TP53BP1: variants seen among roughly 807,000 people sequenced by gnomAD.
TP53BP1 encodes the protein TP53-binding protein 1.
A neutral mutation model predicts 200.8 loss-of-function variants in TP53BP1; 61 were observed. The ratio of observed to expected loss-of-function variants is 0.30; its 90% CI spans 0.25 to 0.38. The LOEUF (loss-of-function observed/expected upper bound fraction) is 0.38. TP53BP1 is among the 10% of genes least tolerant of loss of function. The pLI is 1.00. For missense variants in TP53BP1, 2,144 were observed against 2,371.9 expected, an observed-to-expected ratio of 0.90 and a Z score of 2.00; for synonymous variants, 822 against 844.3, an observed-to-expected ratio of 0.97 and a Z score of 0.46.
chr15:43,454,965 G>A (rs990435658), intron 12 of TP53BP1, among the ~76,000 whole-genome samples: 1 of 151,972 alleles, frequency 6.6e-6, no homozygotes, highest in African/African-American at 2.4e-5. Flanking sequence ...CCTGAGCTCA[G>A]GCAATCCGCC....
chr15:43,499,920 T>A (rs1236879927), intron 1 of TP53BP1, among the ~76,000 whole-genome samples: 1 of 152,144 alleles, frequency 6.6e-6, no homozygotes, highest in Non-Finnish European at 1.5e-5. Flanking sequence ...ACAATAAAAG[T>A]TCTGTAGGAA....
At chr15:43,482,412 G>GT (rs1167793915) in intron 4 of TP53BP1, among the ~76,000 whole-genome samples, 6 of 152,126 alleles carry the variant, frequency 3.9e-5, no homozygotes, top group East Asian at 1.9e-4. Flanking sequence ...GAAGTGGGCG[G>GT]ATCATTTAAG....
rs189638286 is a variant in TP53BP1, at chr15:43,423,995, G to C, written c.3829-1869C>G. ...ACCTCGCTACCAAGAATACAATGATGACTCAGCTTATACAAATTTCTACTA... is the reference window on the plus strand; with the variant it reads ...ACCTCGCTACCAAGAATACAATGATCACTCAGCTTATACAAATTTCTACTA... On this transcript the variant is annotated intron_variant, in intron 18 of 27. Transcript: ENST00000382044. 4.6e-3 allele frequency among the ~76,000 whole-genome samples: 693 copies of C among 152,152 alleles called. 5 individuals are homozygous for C. Among genetic ancestry groups the C allele is most frequent in the African/African-American group, 0.015 (640 of 41,488 alleles).
At chr15:43,480,445 C>G (rs939333455) in intron 5 of TP53BP1, among the ~76,000 whole-genome samples, 1 of 150,130 alleles carries the variant, frequency 6.7e-6, no homozygotes, top group African/African-American at 2.5e-5. Flanking sequence ...AAGACTCCGT[C>G]GCAAAAAAAT....
chr15:43,464,490 A>G (rs1301658218), intron 11 of TP53BP1, among the ~76,000 whole-genome samples: 1 of 152,242 alleles, frequency 6.6e-6, no homozygotes, highest in Non-Finnish European at 1.5e-5. Context: ...AAACTTGTCC[A>G]TAAATGTACA....
chr15:43,404,086 TTGAACTAACCCCC>T lies in TP53BP1; in HGVS notation c.*3284_*3296del. Reference sequence around the variant, plus strand: ...CACATCCTCCCCCCTCCTTACTTCCTTGAACTAACCCCCATCTCACTGAGATAATTATCTGCTT... The same window carrying T: ...CACATCCTCCCCCCTCCTTACTTCCTATCTCACTGAGATAATTATCTGCTT... On this transcript the variant is annotated 3_prime_UTR_variant, in exon 28 of 28. Coordinates refer to ENST00000382044, the MANE Select transcript of TP53BP1 (RefSeq NM_001141980.3). The T allele has an allele frequency of 1.9e-6, 1 of 522,566 alleles. No individual in the cohort carries two copies. The highest frequency in any genetic ancestry group is 4.9e-4 in the Middle Eastern group (1 of 2,024). 32.4% of individuals were successfully genotyped at this position (522,566 alleles called of 1,614,324 possible). A position where few individuals can be genotyped will look rare whatever the true frequency, so the allele number is the denominator to read the frequency against.
intron 26 of TP53BP1, chr15:43,408,496 A>G (rs1392074146): frequency 3.7e-6 from 1 of 270,838 alleles, no homozygotes. Flanking sequence ...ACTAAGCCCT[A>G]TATTAGGGTC....
intron 14 of TP53BP1, among the ~76,000 whole-genome samples, chr15:43,444,766 G>T (rs2046004232): frequency 6.6e-6 from 1 of 151,998 alleles, no homozygotes; most frequent in African/African-American, 2.4e-5. Context: ...GGAAGAAGAA[G>T]TCCTGCTTAT....
intron 4 of TP53BP1, among the ~76,000 whole-genome samples, chr15:43,483,233 A>AACACACACACACACACACACAC (rs71431896): frequency 4.9e-5 from 7 of 142,726 alleles, no homozygotes; most frequent in African/African-American, 1.8e-4. Context: ...AAAAGTACAG[A>AACACACACACACACACACACAC]ACACACACAC....
intron 7 of TP53BP1, 43 bp downstream of exon 7, chr15:43,479,354 C>T (rs753950526): frequency 6.4e-7 from 1 of 1,555,718 alleles, no homozygotes; most frequent in Non-Finnish European, 8.7e-7. Context: ...TAGTATAACC[C>T]TACAGCAAAA....
rs1370738650 is a variant in TP53BP1, at chr15:43,456,936, G to C, written c.1672C>G (p.Pro558Ala). Residue 558 changes from proline to alanine, a missense_variant, in exon 12 of 28, where the codon CCA becomes GCA. By Grantham distance (27) the Pro-to-Ala change is conservative (BLOSUM62 -1). Coordinates refer to ENST00000382044, the MANE Select transcript of TP53BP1 (RefSeq NM_001141980.3). Reference sequence around the variant, plus strand: ...GGAACAAATTTAGAATTGAGAACTGGAGACATGGGTTCCGTATCCTCAATC... The same window carrying C: ...GGAACAAATTTAGAATTGAGAACTGCAGACATGGGTTCCGTATCCTCAATC... ...TQIEDTEPMS[P>A]VLNSKFVPAE... 1 of 1,614,112 alleles carries C rather than the reference G, an allele frequency of 6.2e-7. No homozygotes were observed. The highest frequency in any genetic ancestry group is 1.3e-5 in the African/African-American group (1 of 75,042).
At position 43,405,221 on chromosome 15, in the gene TP53BP1, C is replaced by G. The variant is rs1566906565; in HGVS notation, c.*2162G>C. The stretch of plus-strand genomic sequence containing the variant: ...TTGTAGTTTCGGGATGTGAAAATTT[C>G]TGGCTCATAAATTGAAATAACAGCC... On this transcript the variant is annotated 3_prime_UTR_variant, in exon 28 of 28. Coordinates refer to ENST00000382044, the MANE Select transcript of TP53BP1 (RefSeq NM_001141980.3). 6.2e-7 allele frequency: 1 copy of G among 1,614,068 alleles called. No individual in the cohort carries two copies. Among genetic ancestry groups the G allele is most frequent in the Non-Finnish European group, 8.5e-7 (1 of 1,179,972 alleles).
At chr15:43,480,549 G>A (rs2078949397) in intron 5 of TP53BP1, among the ~76,000 whole-genome samples, 1 of 152,100 alleles carries the variant, frequency 6.6e-6, no homozygotes, top group Non-Finnish European at 1.5e-5. Context: ...ATCTTATAAG[G>A]AGACTACGTC....
chr15:43,466,878 A>G (rs1249589027), intron 11 of TP53BP1, among the ~76,000 whole-genome samples: 1 of 152,146 alleles, frequency 6.6e-6, no homozygotes, highest in Non-Finnish European at 1.5e-5. Context: ...AAATATAATC[A>G]TGCTATGTAG....
At chr15:43,435,177 C>A (rs1460688109) in intron 16 of TP53BP1, among the ~76,000 whole-genome samples, 3 of 150,204 alleles carry the variant, frequency 2.0e-5, no homozygotes, top group South Asian at 2.1e-4. Context: ...GCAGGAGAAT[C>A]CCTCGAACCT....
At chr15:43,423,639 C>G (rs1200996914) in intron 18 of TP53BP1, among the ~76,000 whole-genome samples, 2 of 147,062 alleles carry the variant, frequency 1.4e-5, no homozygotes, top group African/African-American at 2.6e-5. Flanking sequence ...GCCTGGACAA[C>G]AGAGTGAGAC....
chr15:43,508,479 AAGACCCTGTCTCTGTG>A (rs1156931750), intron 1 of TP53BP1, among the ~76,000 whole-genome samples: 1 of 152,186 alleles, frequency 6.6e-6, no homozygotes, highest in Admixed American at 6.5e-5. Context: ...GCAACACACA[AAGACCCTGTCTCTGTG>A]AGACCCTGTC....
chr15:43,415,407 C>T (rs1412620489), intron 23 of TP53BP1, 187 bp downstream of exon 23: 1 of 716,166 alleles, frequency 1.4e-6, no homozygotes, highest in African/African-American at 1.7e-5. Flanking sequence ...GCACTAGAGT[C>T]TGTAGGGGAT....
At chr15:43,455,313 A>T (rs956246219) in intron 12 of TP53BP1, among the ~76,000 whole-genome samples, 4 of 144,784 alleles carry the variant, frequency 2.8e-5, no homozygotes, top group African/African-American at 1.1e-4. Flanking sequence ...CAATCTAAGT[A>T]AAAAAAAAAC....
Sources: gnomAD v4.1 joint callset for allele counts (sites outside exome capture counted in the v4.1 genomes callset) on GRCh38, gnomAD v4.1.1 for gene constraint, MANE v1.5 for transcripts, NCBI Gene and HGNC (gene_info 2026-07-23, HGNC 2026-07-21) for gene names.